VWA8: variants seen among roughly 807,000 people sequenced by gnomAD.
VWA8 encodes von Willebrand factor A domain-containing protein 8.
A neutral mutation model predicts 241.5 loss-of-function variants in VWA8; 221 were observed. That is an observed-to-expected ratio of 0.91 (90% CI 0.82 to 1.02). The LOEUF is 1.02. Ranked by LOEUF, VWA8 falls within the 50% of genes least tolerant of loss-of-function variation. The pLI is 0.00. For missense variants in VWA8, 2,322 were observed against 2,328.7 expected, an observed-to-expected ratio of 1.00 and a Z score of 0.06; for synonymous variants, 852 against 827.1, an observed-to-expected ratio of 1.03 and a Z score of -0.52.
intron 37 of VWA8, among the ~76,000 whole-genome samples, chr13:41,619,220 T>C (rs1186735489): frequency 1.3e-5 from 2 of 152,224 alleles, no homozygotes; most frequent in African/African-American, 4.8e-5. Context: ...TATTTTATTC[T>C]CTTTGTAGTA....
chr13:41,708,745 T>G (rs1420844264), intron 26 of VWA8, among the ~76,000 whole-genome samples: 1 of 152,152 alleles, frequency 6.6e-6, no homozygotes, highest in Non-Finnish European at 1.5e-5. Flanking sequence ...TTGGGAAATT[T>G]GCTATTCTTG....
At chr13:41,770,433 T>A (rs2045812226) in intron 20 of VWA8, among the ~76,000 whole-genome samples, 1 of 129,056 alleles carries the variant, frequency 7.7e-6, no homozygotes, top group Admixed American at 8.6e-5. Context: ...AGAGCGAGAC[T>A]CCGTTTCAAA....
chr13:41,828,115 A>AT (rs1283773233), intron 14 of VWA8, among the ~76,000 whole-genome samples: 1 of 152,210 alleles, frequency 6.6e-6, no homozygotes, highest in African/African-American at 2.4e-5. Context: ...GTCTAAAAGA[A>AT]TTTGATAATG....
At chr13:41,684,346 T>TA (rs71696252) in intron 35 of VWA8, among the ~76,000 whole-genome samples, 9,672 of 145,808 alleles carry the variant, frequency 0.066, 386 homozygotes, top group East Asian at 0.13. Context: ...CACTGTGACA[T>TA]AAAAAAAAAA....
intron 12 of VWA8, among the ~76,000 whole-genome samples, chr13:41,861,729 GC>G (rs994783754): frequency 3.1e-4 from 47 of 152,078 alleles, no homozygotes; most frequent in Non-Finnish European, 6.3e-4. Flanking sequence ...ACCTAGGAAT[GC>G]AGCTACCCAA....
intron 2 of VWA8, among the ~76,000 whole-genome samples, chr13:41,931,593 C>A (rs1380925435): frequency 6.6e-6 from 1 of 151,568 alleles, no homozygotes; most frequent in Non-Finnish European, 1.5e-5. Flanking sequence ...CCAAAAAAAA[C>A]ATGAGTAACT....
chr13:41,750,162 T>C (rs1335640784), intron 21 of VWA8, among the ~76,000 whole-genome samples: 1 of 151,964 alleles, frequency 6.6e-6, no homozygotes, highest in Non-Finnish European at 1.5e-5. Flanking sequence ...TGGCTTGGCA[T>C]GGTGGCTCAC....
At chr13:41,893,566 G>A (rs960037474) in intron 4 of VWA8, among the ~76,000 whole-genome samples, 3 of 151,942 alleles carry the variant, frequency 2.0e-5, no homozygotes, top group African/African-American at 7.3e-5. Flanking sequence ...GGACAAAGTC[G>A]TAGAAATAGA....
At chr13:41,662,065 G>A (rs2044953527) in intron 37 of VWA8, among the ~76,000 whole-genome samples, 1 of 152,142 alleles carries the variant, frequency 6.6e-6, no homozygotes, top group Admixed American at 6.5e-5. Flanking sequence ...TTAAAATTAG[G>A]TAGCATGATT....
chr13:41,785,148 T>C lies in VWA8; in HGVS notation c.2171-1247A>G, dbSNP rs184376686. Reference sequence around the variant, plus strand: ...TTAGTAATACTAATGATTACAATGATAGAAGCTATCATTTATTAAGGACCT... The same window carrying C: ...TTAGTAATACTAATGATTACAATGACAGAAGCTATCATTTATTAAGGACCT... On this transcript the variant is annotated intron_variant, in intron 18 of 44. Transcript: ENST00000379310. 1.3e-3 allele frequency among the ~76,000 whole-genome samples: 201 copies of C among 152,228 alleles called. 2 individuals carry two copies. The highest frequency in any genetic ancestry group is 5.2e-3 in the East Asian group (27 of 5,180).
intron 29 of VWA8, among the ~76,000 whole-genome samples, chr13:41,695,142 A>G (rs1020437857): frequency 6.6e-6 from 1 of 152,066 alleles, no homozygotes; most frequent in Admixed American, 6.6e-5. Context: ...CGAGTGAGCA[A>G]TTTTATTATG....
intron 32 of VWA8, among the ~76,000 whole-genome samples, chr13:41,690,643 T>C (rs935481228): frequency 2.0e-5 from 3 of 152,120 alleles, no homozygotes; most frequent in African/African-American, 7.2e-5. Flanking sequence ...AGCTAGGAGA[T>C]AGATGCCCTC....
At chr13:41,885,311 T>G (rs1874468516) in intron 8 of VWA8, among the ~76,000 whole-genome samples, 1 of 152,250 alleles carries the variant, frequency 6.6e-6, no homozygotes, top group Admixed American at 6.5e-5. Flanking sequence ...GGGCCTTTTA[T>G]CACTCCAGAC....
intron 21 of VWA8, among the ~76,000 whole-genome samples, chr13:41,734,494 A>T (rs528850956): frequency 6.6e-6 from 1 of 152,360 alleles, no homozygotes; most frequent in African/African-American, 2.4e-5. Context: ...TTATGGTTGC[A>T]GTACGTACCT....
At chr13:41,689,711 A>G (rs1287617152) in intron 33 of VWA8, among the ~76,000 whole-genome samples, 3 of 152,188 alleles carry the variant, frequency 2.0e-5, no homozygotes, top group East Asian at 1.9e-4. Flanking sequence ...TCAAGTATTT[A>G]CAGAATTCAA....
chr13:41,715,076 C>A (rs989390164), intron 26 of VWA8, among the ~76,000 whole-genome samples: 8 of 151,858 alleles, frequency 5.3e-5, no homozygotes, highest in Non-Finnish European at 1.2e-4. Context: ...TACATAACTT[C>A]TCTGTGCCTC....
At chr13:41,871,105 C>T (rs12871356) in intron 9 of VWA8, among the ~76,000 whole-genome samples, 28 of 152,028 alleles carry the variant, frequency 1.8e-4, no homozygotes, top group African/African-American at 6.5e-4. Flanking sequence ...CATAATGATT[C>T]TACCTTCAAA....
intron 19 of VWA8, among the ~76,000 whole-genome samples, chr13:41,780,125 T>C (rs954684632): frequency 2.0e-5 from 3 of 152,166 alleles, no homozygotes; most frequent in African/African-American, 7.2e-5. Flanking sequence ...ATGGGGCAGG[T>C]TGTGACTATC....
Position 41,961,072 on chromosome 13 carries a change from G to A in VWA8, c.-57C>T, listed in dbSNP as rs1878598398. On this transcript the variant is annotated 5_prime_UTR_variant, in exon 1 of 45. The change creates a new upstream start codon in the 5' untranslated region. Transcript: ENST00000379310. The stretch of plus-strand genomic sequence containing the variant: ...GGGCTCGGGGATCGAGCGGCGTCCC[G>A]TGCAGGCACCGTGAGGCAGCGCGGA... The A allele has an allele frequency of 6.0e-6, 8 of 1,334,752 alleles. No individual in the cohort carries two copies. Among genetic ancestry groups the A allele is most frequent in the Non-Finnish European group, 7.7e-6 (8 of 1,042,916 alleles). The allele number at this position is 1,334,752 out of a possible 1,614,324, so 82.7% of individuals were successfully genotyped here. A position where few individuals can be genotyped will look rare whatever the true frequency, so the allele number is the denominator to read the frequency against.
Sources: gnomAD v4.1 joint callset for allele counts (sites outside exome capture counted in the v4.1 genomes callset) on GRCh38, gnomAD v4.1.1 for gene constraint, MANE v1.5 for transcripts, NCBI Gene and HGNC (gene_info 2026-07-23, HGNC 2026-07-21) for gene names.